CMYA5: variants seen among roughly 807,000 people sequenced by gnomAD.
CMYA5 encodes the protein cardiomyopathy-associated protein 5.
Under a neutral mutation model 318.9 loss-of-function variants are expected in CMYA5, and 246 were observed. The observed-to-expected ratio is 0.77, with a 90% CI of 0.70 to 0.86. CMYA5 has a LOEUF of 0.86. CMYA5 is among the 40% of genes least tolerant of loss of function. CMYA5 has a pLI of 0.00. For missense variants in CMYA5, 4,589 were observed against 4,678.2 expected (o/e 0.98, Z 0.56); for synonymous variants, 1,641 against 1,729.5 (o/e 0.95, Z 1.27).
rs768881787 is a variant in CMYA5, at chr5:79,734,560, C to T, written c.5795C>T (p.Ala1932Val). ...NELRPGQLKA[A>V]VSSKDHTCEV... ...CTGAGGCCAGGGCAGCTCAAGGCTG[C>T]TGTGTCCAGTAAGGACCATACATGT... The change falls in exon 2 of 13, where the codon GCT becomes GTT. Residue 1932 changes from alanine to valine, a missense_variant. Transcript: ENST00000446378. 1.2e-6 allele frequency: 2 copies of T among 1,613,742 alleles called. No homozygotes were observed. Among genetic ancestry groups the T allele is most frequent in the Non-Finnish European group, 1.7e-6 (2 of 1,179,828 alleles).
At chr5:79,798,266 G>A (rs888697419) in intron 12 of CMYA5, among the ~76,000 whole-genome samples, 1 of 151,968 alleles carries the variant, frequency 6.6e-6, no homozygotes, top group Admixed American at 6.6e-5. Flanking sequence ...CAGACCCGTC[G>A]CTTACCCAGA....
chr5:79,696,309 C>T (rs781292564), intron 1 of CMYA5, among the ~76,000 whole-genome samples: 10 of 152,254 alleles, frequency 6.6e-5, no homozygotes, highest in African/African-American at 1.4e-4. Flanking sequence ...AGATCATAGA[C>T]GGAAAAATAA....
At chr5:79,795,920 A>C (rs1211413105) in intron 12 of CMYA5, among the ~76,000 whole-genome samples, 2 of 152,208 alleles carry the variant, frequency 1.3e-5, no homozygotes, top group East Asian at 3.8e-4. Flanking sequence ...GTTCAAAGCC[A>C]GCCAGGCAGA....
chr5:79,742,178 T>C (rs1317922724), intron 2 of CMYA5, among the ~76,000 whole-genome samples: 1 of 140,914 alleles, frequency 7.1e-6, no homozygotes, highest in Non-Finnish European at 1.5e-5. Context: ...CTCCTCCTCT[T>C]CTTCTTCTTC....
intron 1 of CMYA5, among the ~76,000 whole-genome samples, chr5:79,706,416 C>T (rs1256137934): frequency 6.6e-6 from 1 of 152,182 alleles, no homozygotes; most frequent in Non-Finnish European, 1.5e-5. Context: ...TCAGCAGTAA[C>T]AGTTGCAGCA....
chr5:79,695,995 G>A lies in CMYA5; in HGVS notation c.149+5939G>A, dbSNP rs1408675568. Among the ~76,000 whole-genome samples the A allele has an allele frequency of 4.6e-5, 7 of 152,268 alleles. No homozygotes were observed. In the East Asian group the frequency reaches 7.7e-4, roughly 17 times the overall value. ...TTAAGGTTGAGAATATTTGTTGATCGGATAAGTGAATGGTGCGAATAAATA... is the reference window on the plus strand; with the variant it reads ...TTAAGGTTGAGAATATTTGTTGATCAGATAAGTGAATGGTGCGAATAAATA... On this transcript the variant is annotated intron_variant, in intron 1 of 12. Coordinates refer to ENST00000446378, the MANE Select transcript of CMYA5 (RefSeq NM_153610.5).
chr5:79,739,147 T>C lies in CMYA5; in HGVS notation c.10382T>C (p.Ile3461Thr), dbSNP rs1449273912. ...LSQGKESFEH[I>T]SENEFASEAE... ...CAAGGAAAGGAATCCTTTGAGCACA[T>C]CAGTGAAAATGAATTTGCGAGTGAG... Residue 3461 changes from isoleucine (I) to threonine (T), a missense_variant, in exon 2 of 13, where the codon ATC becomes ACC. This residue lies in a region of CMYA5 where 2,431 missense variants were observed against 2,495.1 expected (regional missense o/e 0.97). Coordinates refer to ENST00000446378, the MANE Select transcript of CMYA5 (RefSeq NM_153610.5). 2 of 1,613,670 alleles carry C rather than the reference T, an allele frequency of 1.2e-6. No homozygotes were observed. The highest frequency in any genetic ancestry group is 1.7e-6 in the Non-Finnish European group (2 of 1,179,776).
chr5:79,700,038 ATAAC>A (rs1473710165), intron 1 of CMYA5, among the ~76,000 whole-genome samples: 2 of 152,350 alleles, frequency 1.3e-5, no homozygotes, highest in East Asian at 3.9e-4. Flanking sequence ...ATTTATCTGA[ATAAC>A]TGACTGGAAT....
chr5:79,796,160 G>T (rs536692314), intron 12 of CMYA5, among the ~76,000 whole-genome samples: 127 of 152,268 alleles, frequency 8.3e-4, no homozygotes, highest in Non-Finnish European at 1.6e-3. Context: ...CTTCCAAACA[G>T]GGGAGGAGAA....
At chr5:79,757,441 C>G (rs1828552644) in intron 6 of CMYA5, among the ~76,000 whole-genome samples, 1 of 152,034 alleles carries the variant, frequency 6.6e-6, no homozygotes, top group South Asian at 2.1e-4. Context: ...TACTAGGTGT[C>G]TAAAATGTAT....
chr5:79,790,029 C>A (rs768786134), intron 10 of CMYA5, among the ~76,000 whole-genome samples: 4 of 152,168 alleles, frequency 2.6e-5, no homozygotes, highest in Admixed American at 1.3e-4. Flanking sequence ...GGAAAGAGGA[C>A]CATTTTATTA....
rs1189649623 is a variant in CMYA5, at chr5:79,733,306, A to G, written c.4541A>G (p.Lys1514Arg). ...GAACGTTTGGTTTCATCACAGAAGAAGAGCTTGATGTCTACCTCAGAGGTG... is the reference window on the plus strand; with the variant it reads ...GAACGTTTGGTTTCATCACAGAAGAGGAGCTTGATGTCTACCTCAGAGGTG... ...DSERLVSSQK[K>R]SLMSTSEVLE... The change falls in exon 2 of 13, where the codon AAG (lysine) becomes AGG (arginine). Residue 1514 changes from lysine (K) to arginine (R), a missense_variant. Around this residue, in one of 3 missense-constraint regions of CMYA5, gnomAD observed 2,132 missense variants for 2,131.3 expected, o/e 1.00. Transcript: ENST00000446378. 1 of 1,613,678 alleles carries G rather than the reference A, an allele frequency of 6.2e-7. No homozygotes were observed. Among genetic ancestry groups the G allele is most frequent in the African/African-American group, 1.3e-5 (1 of 75,052 alleles).
In CMYA5 at chr5:79,690,029, C is replaced by T; in HGVS notation, c.122C>T (p.Ala41Val). 1.4e-6 allele frequency: 2 copies of T among 1,471,868 alleles called. No individual in the cohort carries two copies. The highest frequency in any genetic ancestry group is 1.3e-5 in the South Asian group (1 of 74,938). The allele number at this position is 1,471,868 out of a possible 1,614,324, so 91.2% of individuals were successfully genotyped here. ...GAGGGCGAGGAGGACGAGACGGCGG[C>T]GGAGTCGGAGGAGGAGCCGGACTCC... ...ESEGEEDETA[A>V]ESEEEPDSRL... The change falls in exon 1 of 13, where the codon GCG becomes GTG. Residue 41 changes from alanine (A) to valine (V), a missense_variant. Ala to Val is a moderately conservative substitution (Grantham distance 64). This residue lies in a region of CMYA5 where 2,132 missense variants were observed against 2,131.3 expected (regional missense o/e 1.00). Transcript: ENST00000446378.
At chr5:79,712,587 A>G (rs779601242) in intron 1 of CMYA5, among the ~76,000 whole-genome samples, 1 of 151,914 alleles carries the variant, frequency 6.6e-6, no homozygotes, top group Non-Finnish European at 1.5e-5. Context: ...ATATGGACAA[A>G]CCCCGATTCC....
At chr5:79,693,372 C>T (rs1173213964) in intron 1 of CMYA5, among the ~76,000 whole-genome samples, 2 of 145,310 alleles carry the variant, frequency 1.4e-5, no homozygotes, top group East Asian at 4.2e-4. Context: ...TAGGATCTCA[C>T]TCTGATTGCC....
At position 79,730,587 on chromosome 5, in the gene CMYA5, T is replaced by C. The variant is rs182125509; in HGVS notation, c.1822T>C (p.Leu608=). ...YSVPQDLNHE[L]QEQEGEPVPP... The stretch of plus-strand genomic sequence containing the variant: ...AGTACCACAGGATTTGAACCATGAA[T>C]TACAGGAGCAAGAAGGTGAGCCAGT... The change falls in exon 2 of 13, where the codon TTA becomes CTA. Residue 608 remains leucine (L), a synonymous_variant. Transcript: ENST00000446378. 7.8e-5 allele frequency: 126 copies of C among 1,613,970 alleles called. 1 individual carries two copies. In the East Asian group the frequency reaches 2.0e-3, roughly 26 times the overall value.
At position 79,697,255 on chromosome 5, in the gene CMYA5, C is replaced by A. The variant is rs1027594938; in HGVS notation, c.149+7199C>A. Among the ~76,000 whole-genome samples the A allele has an allele frequency of 2.6e-5, 4 of 152,130 alleles. No individual in the cohort carries two copies. The South Asian group carries it at 8.3e-4, about 32-fold the overall frequency. On this transcript the variant is annotated intron_variant, in intron 1 of 12. Coordinates refer to ENST00000446378, the MANE Select transcript of CMYA5 (RefSeq NM_153610.5). ...AGCCAAGGTAGGGGCCTGCTAGGAC[C>A]CTCAAGTCCCAGTCGCTGAAGCCTC...
chr5:79,758,794 G>T lies in CMYA5; in HGVS notation c.11152G>T (p.Ala3718Ser), dbSNP rs1461611844. The T allele has an allele frequency of 1.2e-6, 2 of 1,600,708 alleles. No homozygotes were observed. The highest frequency in any genetic ancestry group is 1.1e-5 in the South Asian group (1 of 88,596). Residue 3718 changes from alanine (A) to serine (S), a missense_variant, in exon 7 of 13, where the codon GCC becomes TCC. By Grantham distance (99) the Ala-to-Ser change is moderately conservative. This residue lies in a region of CMYA5 where 2,431 missense variants were observed against 2,495.1 expected (regional missense o/e 0.97). Transcript: ENST00000446378. ...PRLEPQEPNS[A>S]TSTTIAVYWS... ...ATTAGAACCTCAGGAACCAAATTCT[G>T]CCACCAGCACAACAATTGCAGTTTA...
At chr5:79,762,962 A>G in intron 8 of CMYA5, 100 bp from the exon 9 acceptor site, 1 of 1,361,930 alleles carries the variant, frequency 7.3e-7, no homozygotes, top group Admixed American at 2.2e-5. Context: ...GAAAAATTGA[A>G]AACAGAATCA....
Sources: allele counts gnomAD v4.1 joint callset (sites outside exome capture counted in the v4.1 genomes callset), GRCh38; gene constraint gnomAD v4.1.1; regional missense constraint gnomAD v4.1.1; transcripts MANE v1.5; gene names NCBI Gene and HGNC (gene_info 2026-07-23, HGNC 2026-07-21).